COBLL1: variants seen among roughly 807,000 people sequenced by gnomAD.
COBLL1 encodes cordon-bleu protein-like 1.
In COBLL1, 50 loss-of-function variants were observed where a neutral mutation model predicts 94.8. That is an observed-to-expected ratio of 0.53 (90% CI 0.42 to 0.67). The LOEUF is 0.67. Among genes scored for constraint, COBLL1 ranks in the 30% least tolerant of loss-of-function variants. The probability of loss-of-function intolerance (pLI) is 0.00; values close to 1 mark genes in which losing one functional copy is unlikely to be tolerated. For synonymous variants in COBLL1, 448 were observed against 473.8 expected (o/e 0.95, Z 0.71); for missense variants, 1,362 against 1,348.7 (o/e 1.01, Z -0.15).
intron 2 of COBLL1, among the ~76,000 whole-genome samples, chr2:164,788,927 A>T (rs752974903): frequency 6.6e-6 from 1 of 152,186 alleles, no homozygotes; most frequent in East Asian, 1.9e-4. Context: ...GTAGGAGAAC[A>T]AGAATTTGTA....
chr2:164,788,383 C>T (rs1434371820), intron 2 of COBLL1, among the ~76,000 whole-genome samples: 3 of 151,790 alleles, frequency 2.0e-5, no homozygotes, highest in Non-Finnish European at 2.9e-5. Flanking sequence ...CAACTCTGTA[C>T]CTTTAAAAAA....
At chr2:164,824,387 GAA>G (rs1213274756) in intron 2 of COBLL1, among the ~76,000 whole-genome samples, 20 of 92,012 alleles carry the variant, frequency 2.2e-4, no homozygotes, top group African/African-American at 6.7e-4. Context: ...TCCCAAAAAA[GAA>G]AAAAAAAAAA....
intron 2 of COBLL1, among the ~76,000 whole-genome samples, chr2:164,780,341 A>G (rs1383042207): frequency 6.6e-6 from 1 of 152,232 alleles, no homozygotes; most frequent in African/African-American, 2.4e-5. Context: ...AGGCCTTTGT[A>G]GTAAACATTT....
chr2:164,836,672 A>G (rs1330343106), intron 2 of COBLL1, among the ~76,000 whole-genome samples: 1 of 152,248 alleles, frequency 6.6e-6, no homozygotes, highest in African/African-American at 2.4e-5. Context: ...AAGCAGCTAC[A>G]TGGAATCTTT....
chr2:164,743,981 C>A, intron 2 of COBLL1, 106 bp from the exon 3 acceptor site: 1 of 792,342 alleles, frequency 1.3e-6, no homozygotes, highest in Non-Finnish European at 1.9e-6. Flanking sequence ...TTTTTCACAT[C>A]TAGAAAAAAT....
At chr2:164,819,770 G>A (rs991356220) in intron 2 of COBLL1, among the ~76,000 whole-genome samples, 1 of 151,656 alleles carries the variant, frequency 6.6e-6, no homozygotes, top group African/African-American at 2.4e-5. Context: ...TATTTCCACA[G>A]GGTAAAAAAG....
At chr2:164,664,283 T>C (rs1455964399) in intron 2 of COBLL1, among the ~76,000 whole-genome samples, 1 of 152,228 alleles carries the variant, frequency 6.6e-6, no homozygotes, top group Non-Finnish European at 1.5e-5. Context: ...AGTCATCCCA[T>C]GGTGTTACAT....
intron 2 of COBLL1, among the ~76,000 whole-genome samples, chr2:164,821,714 C>T (rs1330694555): frequency 1.3e-5 from 2 of 152,226 alleles, no homozygotes; most frequent in Non-Finnish European, 2.9e-5. Context: ...TTATAATATA[C>T]ACATTGTGTG....
intron 7 of COBLL1, among the ~76,000 whole-genome samples, chr2:164,707,677 A>C (rs1051337336): frequency 1.3e-5 from 2 of 152,136 alleles, no homozygotes; most frequent in African/African-American, 4.8e-5. Context: ...AGAGGGTTCT[A>C]AGTAAATACT....
chr2:164,829,885 C>A (rs1211594225), intron 2 of COBLL1, among the ~76,000 whole-genome samples: 2 of 152,186 alleles, frequency 1.3e-5, no homozygotes, highest in Non-Finnish European at 2.9e-5. Context: ...CATCTCCCTT[C>A]TCAAATCCTA....
At chr2:164,774,802 T>C (rs2105259657) in intron 2 of COBLL1, among the ~76,000 whole-genome samples, 1 of 151,804 alleles carries the variant, frequency 6.6e-6, no homozygotes, top group South Asian at 2.1e-4. Flanking sequence ...AATAATATTG[T>C]ACTGTATACT....
At position 164,703,277 on chromosome 2, in the gene COBLL1, C is replaced by A; in HGVS notation, c.1225+1167G>T. ...ACTTAGACAACAGAGTTAAGGCAAG[C>A]AGAGACCAAGAAGCATTTTGGAAGA... On this transcript the variant is annotated intron_variant, in intron 9 of 13. Transcript: ENST00000652658. The A allele has an allele frequency of 2.7e-6, 3 of 1,094,494 alleles. 1 individual carries two copies. The highest frequency in any genetic ancestry group is 4.1e-6 in the Non-Finnish European group (3 of 735,510). 67.8% of individuals were successfully genotyped at this position (1,094,494 alleles called of 1,614,324 possible).
chr2:164,752,729 A>G (rs760714272), intron 2 of COBLL1, among the ~76,000 whole-genome samples: 4 of 152,146 alleles, frequency 2.6e-5, no homozygotes, highest in Non-Finnish European at 5.9e-5. Context: ...CCCATACCCC[A>G]GCCCTACCAC....
Position 164,818,616 on chromosome 2 carries a change from T to C in COBLL1, c.41+22540A>G, listed in dbSNP as rs527426115. ...CATATATAGCATATGTGTACATATG[T>C]ACACATATATGGCGTATATGTACAT... On this transcript the variant is annotated intron_variant, in intron 2 of 13. Coordinates refer to ENST00000652658, the MANE Select transcript of COBLL1 (RefSeq NM_001365672.2). Among the ~76,000 whole-genome samples, 8 of 144,850 alleles carry C rather than the reference T, an allele frequency of 5.5e-5. 1 individual carries two copies. The South Asian group carries it at 1.5e-3, about 27-fold the overall frequency.
At chr2:164,689,425 T>C (rs766412315) in intron 13 of COBLL1, among the ~76,000 whole-genome samples, 16 of 152,126 alleles carry the variant, frequency 1.1e-4, no homozygotes, top group Non-Finnish European at 1.9e-4. Flanking sequence ...TGTTGTTCTA[T>C]AAAACAAATG....
chr2:164,727,011 C>A, intron 5 of COBLL1: 1 of 566,758 alleles, frequency 1.8e-6, no homozygotes, highest in South Asian at 3.5e-5. Flanking sequence ...AGAATGAACA[C>A]GTTAGTGATG....
Position 164,733,313 on chromosome 2 carries a change from CTCAG to C in COBLL1, c.231-3202_231-3199del, listed in dbSNP as rs1686121476. On this transcript the variant is annotated intron_variant, in intron 3 of 13. Transcript: ENST00000652658. ...GAATATTAACATAATGGCCTATTCC[CTCAG>C]TCATTTTATTTATCTAGAAACTTTA... Among the ~76,000 whole-genome samples the C allele has an allele frequency of 7.3e-5, 11 of 150,768 alleles. No individual in the cohort carries two copies. In the South Asian group the frequency reaches 2.1e-3, roughly 29 times the overall value.
chr2:164,749,319 A>G (rs1687016674), intron 2 of COBLL1, among the ~76,000 whole-genome samples: 1 of 152,200 alleles, frequency 6.6e-6, no homozygotes, highest in Non-Finnish European at 1.5e-5. Flanking sequence ...AATATTAAAT[A>G]CAAAAATATG....
chr2:164,720,600 C>T (rs909898669), intron 7 of COBLL1, among the ~76,000 whole-genome samples: 1 of 152,130 alleles, frequency 6.6e-6, no homozygotes, highest in Non-Finnish European at 1.5e-5. Flanking sequence ...AAAAATGCTA[C>T]TTCTTATTGT....
Sources: allele counts gnomAD v4.1 joint callset (sites outside exome capture counted in the v4.1 genomes callset), GRCh38; gene constraint gnomAD v4.1.1; transcripts MANE v1.5; gene names NCBI Gene and HGNC (gene_info 2026-07-23, HGNC 2026-07-21).